The following SPTLC3 variants were observed in gnomAD, a reference collection of about 807,000 sequenced individuals.
SPTLC3 encodes the protein serine palmitoyltransferase long chain base subunit 3, also known as serine palmitoyltransferase 3.
In SPTLC3, 36 loss-of-function variants were observed where a neutral mutation model predicts 59.3. That is an observed-to-expected ratio of 0.61 (90% CI 0.47 to 0.80). The LOEUF is 0.80. SPTLC3 is among the 30% of genes least tolerant of loss of function. SPTLC3 has a pLI of 0.00. For missense variants in SPTLC3, 625 were observed against 685.1 expected, an observed-to-expected ratio of 0.91 and a Z score of 0.98; for synonymous variants, 257 against 240.8, an observed-to-expected ratio of 1.07 and a Z score of -0.62.
intron 9 of SPTLC3, among the ~76,000 whole-genome samples, chr20:13,143,950 T>A (rs1272553514): frequency 6.6e-6 from 1 of 152,190 alleles, no homozygotes; most frequent in Non-Finnish European, 1.5e-5. Flanking sequence ...TTTTCCCTCA[T>A]CCTGATCCAT....
At chr20:13,079,951 A>G (rs555007645) in intron 4 of SPTLC3, 1 of 298,170 alleles carries the variant, frequency 3.4e-6, no homozygotes, top group East Asian at 1.3e-4. Context: ...ACAGTAGTCT[A>G]TTTTGTCCTA....
At chr20:13,019,590 C>T (rs1365963886) in intron 1 of SPTLC3, among the ~76,000 whole-genome samples, 1 of 152,210 alleles carries the variant, frequency 6.6e-6, no homozygotes, top group African/African-American at 2.4e-5. Flanking sequence ...CAGCTACATA[C>T]ACTAGATTTC....
intron 1 of SPTLC3, among the ~76,000 whole-genome samples, chr20:13,010,861 G>A (rs1019951220): frequency 6.6e-6 from 1 of 152,040 alleles, no homozygotes; most frequent in African/African-American, 2.4e-5. Context: ...CACATTCGAG[G>A]TATGAGATTA....
intron 9 of SPTLC3, among the ~76,000 whole-genome samples, chr20:13,127,546 A>C (rs1228499133): frequency 1.3e-5 from 2 of 152,198 alleles, no homozygotes; most frequent in Non-Finnish European, 2.9e-5. Flanking sequence ...GGGGTACTCC[A>C]TCAGTTTTCA....
Position 13,089,189 on chromosome 20 carries a change from G to A in SPTLC3, c.608-1894G>A, listed in dbSNP as rs1052036922. On this transcript the variant is annotated intron_variant, in intron 4 of 11. Transcript: ENST00000399002. The stretch of plus-strand genomic sequence containing the variant: ...AGTAAACTATGTTGATCCTTAGGCA[G>A]AAGAAAGTATGTTTATAGCGGCCCT... Among the ~76,000 whole-genome samples the A allele has an allele frequency of 9.2e-5, 14 of 152,256 alleles. No individual in the cohort carries two copies. In the East Asian group the frequency reaches 2.7e-3, roughly 29 times the overall value.
At chr20:13,139,455 A>G (rs569562189) in intron 9 of SPTLC3, among the ~76,000 whole-genome samples, 12 of 152,206 alleles carry the variant, frequency 7.9e-5, no homozygotes, top group Non-Finnish European at 1.3e-4. Flanking sequence ...GTTCTCTTCC[A>G]AGAACCCAGC....
chr20:13,104,376 C>T (rs4547587), intron 6 of SPTLC3, among the ~76,000 whole-genome samples: 49,920 of 151,932 alleles, frequency 0.33, 10,441 homozygotes, highest in African/African-American at 0.6. Context: ...ATAAGTCTCA[C>T]GAGATCTAAT....
At chr20:13,056,692 C>T (rs1333004285) in intron 2 of SPTLC3, among the ~76,000 whole-genome samples, 1 of 151,246 alleles carries the variant, frequency 6.6e-6, no homozygotes, top group Non-Finnish European at 1.5e-5. Context: ...TCAAGTGATC[C>T]ATCCACTTTG....
chr20:13,114,216 C>G (rs560466191), intron 7 of SPTLC3, among the ~76,000 whole-genome samples: 2 of 152,178 alleles, frequency 1.3e-5, no homozygotes, highest in African/African-American at 2.4e-5. Flanking sequence ...GGCATTGAAA[C>G]GTAAAACCCA....
intron 11 of SPTLC3, among the ~76,000 whole-genome samples, chr20:13,161,160 T>A (rs1279498939): frequency 1.3e-5 from 2 of 152,210 alleles, no homozygotes; most frequent in Admixed American, 1.3e-4. Flanking sequence ...AATGATTGGA[T>A]GTGGTGCATA....
intron 1 of SPTLC3, among the ~76,000 whole-genome samples, chr20:13,011,661 C>G (rs1985257804): frequency 1.3e-5 from 2 of 152,132 alleles, no homozygotes; most frequent in Admixed American, 1.3e-4. Context: ...CTGGCAAGGA[C>G]CAGAGCCTTT....
chr20:13,122,487 C>G (rs932065083), intron 8 of SPTLC3, among the ~76,000 whole-genome samples: 1 of 152,180 alleles, frequency 6.6e-6, no homozygotes, highest in Non-Finnish European at 1.5e-5. Context: ...CTGGAGAAGT[C>G]GAGTGTGGCC....
chr20:13,111,477 A>G (rs1990230521), intron 7 of SPTLC3, among the ~76,000 whole-genome samples: 1 of 152,242 alleles, frequency 6.6e-6, no homozygotes, highest in South Asian at 2.1e-4. Flanking sequence ...GACAGCCCCT[A>G]CAACACAGAG....
chr20:13,027,543 C>CT (rs1385910621), intron 1 of SPTLC3, among the ~76,000 whole-genome samples: 31 of 152,040 alleles, frequency 2.0e-4, no homozygotes, highest in Admixed American at 5.9e-4. Flanking sequence ...CTGTCAGGCC[C>CT]TTATTCAGTG....
intron 2 of SPTLC3, among the ~76,000 whole-genome samples, chr20:13,070,218 A>G (rs78552756): frequency 0.017 from 2,627 of 152,260 alleles, 76 homozygotes; most frequent in African/African-American, 0.059. Flanking sequence ...CTTAAAGAAA[A>G]TGCATTCAAG....
chr20:13,126,038 T>C (rs1400789437), intron 8 of SPTLC3, among the ~76,000 whole-genome samples: 23 of 152,158 alleles, frequency 1.5e-4, no homozygotes, highest in Admixed American at 1.5e-3. Flanking sequence ...TTTTCCCCCT[T>C]AATTATCTTC....
chr20:13,108,601 G>A (rs112996342), intron 6 of SPTLC3, among the ~76,000 whole-genome samples: 178 of 152,196 alleles, frequency 1.2e-3, no homozygotes, highest in African/African-American at 4.0e-3. Flanking sequence ...TTGAGACAGA[G>A]TCTCGTTCTG....
At chr20:13,150,790 T>C (rs1030722629) in intron 9 of SPTLC3, among the ~76,000 whole-genome samples, 7 of 152,208 alleles carry the variant, frequency 4.6e-5, no homozygotes, top group Non-Finnish European at 8.8e-5. Flanking sequence ...AACTTCTGTG[T>C]TCTTCCACAA....
chr20:13,054,232 G>A (rs1190132373), intron 2 of SPTLC3, among the ~76,000 whole-genome samples: 1 of 152,228 alleles, frequency 6.6e-6, no homozygotes, highest in African/African-American at 2.4e-5. Flanking sequence ...TGGGCAGAAA[G>A]ACTGCTGAGA....
Sources: gnomAD v4.1 joint callset for allele counts (sites outside exome capture counted in the v4.1 genomes callset) on GRCh38, gnomAD v4.1.1 for gene constraint, MANE v1.5 for transcripts, NCBI Gene and HGNC (gene_info 2026-07-23, HGNC 2026-07-21) for gene names.